Variants in CD36 observed in about 807,000 individuals in gnomAD.
CD36 encodes platelet glycoprotein 4.
CD36 carries 119 observed loss-of-function variants against 55.2 expected under a neutral mutation model. The observed-to-expected ratio is 2.15, with a 90% confidence interval of 1.86 to 2.51. The LOEUF (loss-of-function observed/expected upper bound fraction) is 2.51, where lower values mean the gene tolerates loss of function less well. Among genes scored for constraint, CD36 ranks in the 30% most tolerant of loss-of-function variants. The probability of loss-of-function intolerance (pLI) is 0.00; values close to 1 mark genes in which losing one functional copy is unlikely to be tolerated. For missense variants in CD36, 819 were observed against 555.5 expected, an observed-to-expected ratio of 1.47 and a Z score of -4.77; for synonymous variants, 186 against 193.6, an observed-to-expected ratio of 0.96 and a Z score of 0.33.
intron 14 of CD36, among the ~76,000 whole-genome samples, chr7:80,675,088 T>A (rs771407138): frequency 2.8e-4 from 43 of 152,164 alleles, no homozygotes; most frequent in Non-Finnish European, 2.4e-4. Flanking sequence ...ATGGAGAGCT[T>A]GTGTTTGAAA....
At position 80,664,404 on chromosome 7, in the gene CD36, A is replaced by G. The variant is rs745604189; in HGVS notation, c.610-2A>G. On this transcript the variant is annotated splice_acceptor_variant, in intron 6 of 14. Transcript: ENST00000447544. LOFTEE classifies it high-confidence loss of function. The stretch of plus-strand genomic sequence containing the variant: ...TAACATTTTCCCATACATATATTTC[A>G]GTACAACAATACTGCAGATGGAGTT... The G allele has an allele frequency of 2.0e-5, 29 of 1,466,328 alleles. No homozygotes were observed. The Middle Eastern group carries it at 5.2e-4, about 26-fold the overall frequency. The allele number at this position is 1,466,328 out of a possible 1,614,324, so 90.8% of individuals were successfully genotyped here.
chr7:80,663,102 G>A lies in CD36; in HGVS notation c.542G>A (p.Gly181Asp), dbSNP rs568503917. ...AGAACTTTGAGAGAACTGTTATGGG[G>A]CTATAGGGATCCATTTTTGAGTTTG... is the stretch of plus-strand genomic sequence containing the variant. ...QVRTLRELLW[G>D]YRDPFLSLVP... The change falls in exon 6 of 15, where the codon GGC becomes GAC. Residue 181 changes from glycine (G) to aspartate (D), a missense_variant. Coordinates refer to ENST00000447544, the MANE Select transcript of CD36 (RefSeq NM_001001548.3). 21 of 1,613,548 alleles carry A rather than the reference G, an allele frequency of 1.3e-5. No individual in the cohort carries two copies. Among genetic ancestry groups the A allele is most frequent in the African/African-American group, 5.3e-5 (4 of 74,896 alleles).
chr7:80,677,389 GATACAGGACAAAGGA>G lies in CD36; in HGVS notation c.*1010_*1024del, dbSNP rs1311390480. On this transcript the variant is annotated 3_prime_UTR_variant, in exon 15 of 15. Transcript: ENST00000447544. Reference sequence around the variant, plus strand: ...CTAGCTTGTGTTTTACCCACAGAAGGATACAGGACAAAGGAATAGTAACTGGCCTGTTTGGATACT... The same window carrying G: ...CTAGCTTGTGTTTTACCCACAGAAGGATAGTAACTGGCCTGTTTGGATACT... 1 of 152,086 alleles carries G rather than the reference GATACAGGACAAAGGA, an allele frequency of 6.6e-6. No homozygotes were observed. Among genetic ancestry groups the G allele is most frequent in the Non-Finnish European group, 1.5e-5 (1 of 68,008 alleles). 9.4% of individuals were successfully genotyped at this position (152,086 alleles called of 1,614,324 possible).
At chr7:80,663,265 C>T in intron 6 of CD36, 96 bp downstream of exon 6, 1 of 1,044,172 alleles carries the variant, frequency 9.6e-7, no homozygotes, top group Admixed American at 1.8e-5. Context: ...GCTCATTAGT[C>T]TTATTGCTGA....
intron 3 of CD36, among the ~76,000 whole-genome samples, chr7:80,651,402 A>G (rs1003655406): frequency 2.6e-5 from 4 of 152,146 alleles, no homozygotes; most frequent in African/African-American, 9.7e-5. Flanking sequence ...AAGTTGGAAG[A>G]AAAAAATAAA....
chr7:80,629,692 G>C (rs1218005253), intron 1 of CD36, among the ~76,000 whole-genome samples: 1 of 151,962 alleles, frequency 6.6e-6, no homozygotes, highest in Non-Finnish European at 1.5e-5. Context: ...TATTGAATTA[G>C]CCCTTAGAGG....
At chr7:80,638,242 G>A (rs1311471252), upstream of CD36, among the ~76,000 whole-genome samples, 2 of 151,838 alleles carry the variant, frequency 1.3e-5, no homozygotes, top group Non-Finnish European at 2.9e-5. Context: ...AGTTTCGCAA[G>A]CTCAGTCAAG....
At chr7:80,635,313 G>A (rs1420823444), upstream of CD36, among the ~76,000 whole-genome samples, 2 of 151,760 alleles carry the variant, frequency 1.3e-5, no homozygotes, top group Non-Finnish European at 2.9e-5. Flanking sequence ...TCACTCTATT[G>A]CCCAGGCTGG....
At chr7:80,609,708 G>T (rs1191710799) in intron 1 of CD36, among the ~76,000 whole-genome samples, 1 of 152,226 alleles carries the variant, frequency 6.6e-6, no homozygotes, top group Admixed American at 6.5e-5. Context: ...ATAAAACAAA[G>T]TTGATGATTC....
At position 80,664,443 on chromosome 7, in the gene CD36, A is replaced by G. The variant is rs368500348; in HGVS notation, c.647A>G (p.Asn216Ser). 6.3e-6 allele frequency: 10 copies of G among 1,580,822 alleles called. No homozygotes were observed. The highest frequency in any genetic ancestry group is 3.3e-5 in the South Asian group (3 of 90,394). Reference sequence around the variant, plus strand: ...GCAGATGGAGTTTATAAAGTTTTCAATGGAAAAGATAACATAAGTAAAGTT... The same window carrying G: ...GCAGATGGAGTTTATAAAGTTTTCAGTGGAAAAGATAACATAAGTAAAGTT... ...NTADGVYKVF[N>S]GKDNISKVAI... is the part of the protein sequence containing the mutation. The change falls in exon 7 of 15, where the codon AAT (asparagine) becomes AGT (serine). Residue 216 changes from asparagine (N) to serine (S), a missense_variant. Coordinates refer to ENST00000447544, the MANE Select transcript of CD36 (RefSeq NM_001001548.3).
intron 7 of CD36, chr7:80,666,218 G>T: frequency 6.2e-6 from 3 of 486,590 alleles, no homozygotes; most frequent in Admixed American, 3.4e-5. Context: ...TTAACACCTG[G>T]CAGTTTTTAT....
chr7:80,672,822 T>TCAAGC lies in CD36; in HGVS notation c.1181_1185dup (p.Glu397HisfsTer8), dbSNP rs757570230. 7.3e-5 allele frequency: 118 copies of TCAAGC among 1,610,522 alleles called. No homozygotes were observed. The Middle Eastern group carries it at 2.7e-3, about 37-fold the overall frequency. ...AAACGGCTGCAGGTCAACCTATTGGTCAAGCCATCAGAAAAAATTCAGTGA... is the reference window on the plus strand; with the variant it reads ...AAACGGCTGCAGGTCAACCTATTGGTCAAGCCAAGCCATCAGAAAAAATTCAGTGA... On this transcript the variant is annotated frameshift_variant, in exon 12 of 15. Coordinates refer to ENST00000447544, the MANE Select transcript of CD36 (RefSeq NM_001001548.3). LOFTEE classifies it high-confidence loss of function.
chr7:80,626,745 C>G (rs1158060139), intron 1 of CD36, among the ~76,000 whole-genome samples: 1 of 151,932 alleles, frequency 6.6e-6, no homozygotes, highest in Non-Finnish European at 1.5e-5. Context: ...TACATTTTTG[C>G]AATTGTGGGA....
intron 1 of CD36, chr7:80,633,178 A>G (rs560128649): frequency 3.3e-5 from 5 of 152,014 alleles, no homozygotes; most frequent in African/African-American, 1.2e-4. Context: ...AATGTTGACT[A>G]ATTTTTTTTC....
chr7:80,636,832 A>G (rs12706918), upstream of CD36: 148,391 of 152,170 alleles, frequency 0.98, 72,364 homozygotes, highest in East Asian at 1. Context: ...GTGCTTTCAG[A>G]TCTTGTATGC....
chr7:80,619,256 T>C (rs1393056074), intron 1 of CD36, among the ~76,000 whole-genome samples: 1 of 152,262 alleles, frequency 6.6e-6, no homozygotes, highest in East Asian at 1.9e-4. Flanking sequence ...TCTTTCAAAA[T>C]ACAACTGATG....
intron 7 of CD36, chr7:80,665,985 T>C (rs3211917): frequency 0.014 from 2,261 of 160,634 alleles, 65 homozygotes; most frequent in African/African-American, 0.051. Flanking sequence ...TGTTTGCTGA[T>C]CCAAACATCT....
chr7:80,672,962 T>A lies in CD36; in HGVS notation c.1199+119T>A, dbSNP rs1177688524. ...ATAACATCTGATATCAACTTATCTT[T>A]AGCTTAATGTCACCAATCATTATTA... is the stretch of plus-strand genomic sequence containing the variant. On this transcript the variant is annotated intron_variant, in intron 12 of 14. Coordinates refer to ENST00000447544, the MANE Select transcript of CD36 (RefSeq NM_001001548.3). 1.8e-5 allele frequency: 13 copies of A among 721,500 alleles called. No individual in the cohort carries two copies. In the Admixed American group the frequency reaches 2.5e-4, roughly 14 times the overall value. 44.7% of individuals were successfully genotyped at this position (721,500 alleles called of 1,614,324 possible). A position where few individuals can be genotyped will look rare whatever the true frequency, so the allele number is the denominator to read the frequency against.
intron 8 of CD36, among the ~76,000 whole-genome samples, chr7:80,668,938 C>T (rs3212015): frequency 1.4e-3 from 219 of 152,272 alleles, no homozygotes; most frequent in Non-Finnish European, 2.6e-3. Flanking sequence ...TGCCATGGAT[C>T]ATAGCTGTAG....
Sources: allele counts gnomAD v4.1 joint callset (sites outside exome capture counted in the v4.1 genomes callset), GRCh38; gene constraint gnomAD v4.1.1; transcripts MANE v1.5; gene names NCBI Gene and HGNC (gene_info 2026-07-23, HGNC 2026-07-21).